ADAMTS3: variants seen among roughly 807,000 people sequenced by gnomAD.
ADAMTS3 encodes A disintegrin and metalloproteinase with thrombospondin motifs 3.
ADAMTS3 carries 73 observed loss-of-function variants against 129.0 expected under a neutral mutation model. The ratio of observed to expected loss-of-function variants is 0.57; its 90% CI spans 0.47 to 0.69. ADAMTS3 has a LOEUF of 0.69. Ranked by LOEUF, ADAMTS3 falls within the 30% of genes least tolerant of loss-of-function variation. The pLI is 0.00. For synonymous variants in ADAMTS3, 477 were observed against 510.8 expected, an observed-to-expected ratio of 0.93 and a Z score of 0.89; for missense variants, 1,457 against 1,514.5, an observed-to-expected ratio of 0.96 and a Z score of 0.63.
chr4:72,370,440 CTTA>C (rs1720977006), intron 4 of ADAMTS3, among the ~76,000 whole-genome samples: 1 of 152,090 alleles, frequency 6.6e-6, no homozygotes, highest in Admixed American at 6.6e-5. Flanking sequence ...GTATCATTTG[CTTA>C]TTATATCTGC....
At chr4:72,557,582 C>T (rs1307493304) in intron 2 of ADAMTS3, among the ~76,000 whole-genome samples, 1 of 151,310 alleles carries the variant, frequency 6.6e-6, no homozygotes, top group Admixed American at 6.6e-5. Context: ...CTTTTTTATT[C>T]ATTATTAAGA....
chr4:72,432,164 T>C (rs1457516178), intron 3 of ADAMTS3, among the ~76,000 whole-genome samples: 2 of 151,892 alleles, frequency 1.3e-5, no homozygotes, highest in South Asian at 2.1e-4. Flanking sequence ...GTAATTCCAG[T>C]TTCCTCCACA....
chr4:72,558,296 G>A (rs1042921802), intron 2 of ADAMTS3, among the ~76,000 whole-genome samples: 2 of 151,698 alleles, frequency 1.3e-5, no homozygotes, highest in Non-Finnish European at 2.9e-5. Flanking sequence ...ATTCCTTTTG[G>A]AAGCTGTAAG....
rs75820042 is a variant in ADAMTS3 at position 72,496,723 on chromosome 4, C to T, written c.504+51755G>A. The stretch of plus-strand genomic sequence containing the variant: ...AACATAGTAAGGAAGGCTCTTTGAA[C>T]GGCTGGGATATAAGAGAGTGGTAAT... On this transcript the variant is annotated intron_variant, in intron 3 of 21. Transcript: ENST00000286657. Among the ~76,000 whole-genome samples, 1,508 of 152,066 alleles carry T rather than the reference C, an allele frequency of 9.9e-3. 27 individuals are homozygous for T. The highest frequency in any genetic ancestry group is 0.035 in the African/African-American group (1,435 of 41,492).
chr4:72,561,552 G>C (rs76328894), intron 2 of ADAMTS3, among the ~76,000 whole-genome samples: 1,669 of 152,080 alleles, frequency 0.011, 33 homozygotes, highest in African/African-American at 0.038. Context: ...AAAGAGAGAG[G>C]TTCTTACACG....
rs113407641 is a variant in ADAMTS3 at position 72,503,105 on chromosome 4, C to T, written c.504+45373G>A. Among the ~76,000 whole-genome samples, 816 of 152,192 alleles carry T rather than the reference C, an allele frequency of 5.4e-3. 12 individuals are homozygous for T. The highest frequency in any genetic ancestry group is 0.019 in the African/African-American group (777 of 41,530). On this transcript the variant is annotated intron_variant, in intron 3 of 21. Transcript: ENST00000286657. ...GTGTTGCAATCTCAGCTCACTGCAA[C>T]CTTTCCCTCCCAGGTTCAAGCGATT... is the stretch of plus-strand genomic sequence containing the variant.
At chr4:72,523,531 G>A (rs1318308455) in intron 3 of ADAMTS3, among the ~76,000 whole-genome samples, 1 of 152,024 alleles carries the variant, frequency 6.6e-6, no homozygotes, top group East Asian at 1.9e-4. Flanking sequence ...AGCATAACAT[G>A]TGAAACAATA....
At chr4:72,361,559 T>C (rs913156703) in intron 4 of ADAMTS3, among the ~76,000 whole-genome samples, 1 of 152,122 alleles carries the variant, frequency 6.6e-6, no homozygotes, top group Non-Finnish European at 1.5e-5. Context: ...TTATGGAGAT[T>C]TGTAAAGTGG....
chr4:72,294,586 A>C (rs573078519), intron 19 of ADAMTS3, among the ~76,000 whole-genome samples: 1 of 152,192 alleles, frequency 6.6e-6, no homozygotes, highest in South Asian at 2.1e-4. Flanking sequence ...TTATTTTTCA[A>C]TTAAAAAACT....
At chr4:72,522,791 A>G (rs1253390453) in intron 3 of ADAMTS3, among the ~76,000 whole-genome samples, 1 of 152,082 alleles carries the variant, frequency 6.6e-6, no homozygotes, top group African/African-American at 2.4e-5. Flanking sequence ...TGCTTAAAAC[A>G]TTTTTCAAAG....
chr4:72,402,787 AAC>A (rs1288659147), intron 4 of ADAMTS3, among the ~76,000 whole-genome samples: 1 of 152,162 alleles, frequency 6.6e-6, no homozygotes, highest in African/African-American at 2.4e-5. Flanking sequence ...TAAGAAATGT[AAC>A]ACAGTTGGAC....
chr4:72,393,395 T>G (rs1235919294), intron 4 of ADAMTS3, among the ~76,000 whole-genome samples: 1 of 152,198 alleles, frequency 6.6e-6, no homozygotes, highest in Non-Finnish European at 1.5e-5. Flanking sequence ...ACTAACACAT[T>G]TCCTCTTTGT....
chr4:72,453,274 T>C (rs990543284), intron 3 of ADAMTS3, among the ~76,000 whole-genome samples: 1 of 151,836 alleles, frequency 6.6e-6, no homozygotes, highest in Non-Finnish European at 1.5e-5. Flanking sequence ...CTGGTAGTAG[T>C]AGAAACAGCT....
At chr4:72,524,633 T>A (rs888685989) in intron 3 of ADAMTS3, among the ~76,000 whole-genome samples, 1 of 152,056 alleles carries the variant, frequency 6.6e-6, no homozygotes, top group Admixed American at 6.6e-5. Context: ...CGGTATGTGG[T>A]AAAGCTGAGA....
At chr4:72,398,271 T>C (rs1178054090) in intron 4 of ADAMTS3, among the ~76,000 whole-genome samples, 2 of 152,004 alleles carry the variant, frequency 1.3e-5, no homozygotes, top group Non-Finnish European at 2.9e-5. Flanking sequence ...AAAATAAAAG[T>C]ATCTGCCAGG....
At chr4:72,403,658 T>A (rs531448586) in intron 4 of ADAMTS3, among the ~76,000 whole-genome samples, 1 of 152,158 alleles carries the variant, frequency 6.6e-6, no homozygotes, top group East Asian at 1.9e-4. Flanking sequence ...TTAATTTTAT[T>A]CTTAACACTA....
intron 3 of ADAMTS3, among the ~76,000 whole-genome samples, chr4:72,506,359 C>T (rs1278232638): frequency 5.9e-5 from 9 of 152,156 alleles, no homozygotes; most frequent in Admixed American, 5.9e-4. Context: ...CTGGCCCTGG[C>T]TGCAGGTCTC....
intron 2 of ADAMTS3, among the ~76,000 whole-genome samples, 189 bp downstream of exon 2, chr4:72,567,185 A>G (rs564543187): frequency 4.3e-4 from 65 of 152,310 alleles, no homozygotes; most frequent in African/African-American, 8.7e-4. Context: ...TTACCTCACT[A>G]TAATTTAGCC....
At chr4:72,434,701 T>C (rs1341343887) in intron 3 of ADAMTS3, among the ~76,000 whole-genome samples, 1 of 151,754 alleles carries the variant, frequency 6.6e-6, no homozygotes, top group Non-Finnish European at 1.5e-5. Flanking sequence ...GCAATTAAGG[T>C]CTTAATTTAG....
Sources: gnomAD v4.1 joint callset for allele counts (sites outside exome capture counted in the v4.1 genomes callset) on GRCh38, gnomAD v4.1.1 for gene constraint, MANE v1.5 for transcripts, NCBI Gene and HGNC (gene_info 2026-07-23, HGNC 2026-07-21) for gene names.